RNF130: variants seen among roughly 807,000 people sequenced by gnomAD.
RNF130 encodes E3 ubiquitin-protein ligase RNF130.
RNF130 carries 21 observed loss-of-function variants against 44.6 expected under a neutral mutation model. The ratio of observed to expected loss-of-function variants is 0.47; its 90% CI spans 0.33 to 0.68. RNF130 has a LOEUF of 0.68. RNF130 is among the 30% of genes least tolerant of loss of function. The probability of loss-of-function intolerance (pLI) is 0.02; values close to 1 mark genes in which losing one functional copy is unlikely to be tolerated. For missense variants in RNF130, 479 were observed against 560.6 expected (o/e 0.85, Z 1.47); for synonymous variants, 214 against 210.4 (o/e 1.02, Z -0.15).
In RNF130 at chr5:180,040,537, A is replaced by T. The variant is rs1393498259; in HGVS notation, c.358T>A (p.Ser120Thr). ...ACTGCATTGTGGAAAGCGGCCCGTG[A>T]TATTTTCTCTTTAAACGTGCAGTTT... ...RGNCTFKEKI[S>T]RAAFHNAVAV... The change falls in exon 2 of 9, where the codon TCA becomes ACA. Residue 120 changes from serine (S) to threonine (T), a missense_variant. Physicochemically the swap from Ser to Thr is moderately conservative, Grantham distance 58. Transcript: ENST00000521389. 1 of 1,614,088 alleles carries T rather than the reference A, an allele frequency of 6.2e-7. No individual in the cohort carries two copies.
chr5:179,972,024 C>T (rs1267121686), intron 5 of RNF130, among the ~76,000 whole-genome samples: 1 of 152,176 alleles, frequency 6.6e-6, no homozygotes, highest in Non-Finnish European at 1.5e-5. Context: ...TTTATTTAAA[C>T]CTTAAAGCTT....
At chr5:179,927,586 CTT>C (rs5873673) in intron 7 of RNF130, among the ~76,000 whole-genome samples, 74 of 112,146 alleles carry the variant, frequency 6.6e-4, no homozygotes, top group East Asian at 3.5e-3. Context: ...TTAGCTTTGT[CTT>C]TTTTTTTTTT....
At chr5:179,985,750 T>C (rs1207854163) in intron 3 of RNF130, among the ~76,000 whole-genome samples, 1 of 152,224 alleles carries the variant, frequency 6.6e-6, no homozygotes, top group Non-Finnish European at 1.5e-5. Flanking sequence ...ATCATAGACC[T>C]GACTGCATTT....
intron 5 of RNF130, among the ~76,000 whole-genome samples, chr5:179,972,439 G>A (rs1423144874): frequency 6.6e-6 from 1 of 152,210 alleles, no homozygotes; most frequent in Non-Finnish European, 1.5e-5. Context: ...GATGGGACTT[G>A]GCTGACTGAC....
intron 7 of RNF130, among the ~76,000 whole-genome samples, chr5:179,949,932 C>T (rs897051049): frequency 1.3e-5 from 2 of 152,190 alleles, no homozygotes; most frequent in African/African-American, 4.8e-5. Context: ...CTTGCTAAAA[C>T]TTCTGTCTCT....
At chr5:180,066,644 T>C (rs1765113686) in intron 1 of RNF130, among the ~76,000 whole-genome samples, 1 of 152,058 alleles carries the variant, frequency 6.6e-6, no homozygotes, top group African/African-American at 2.4e-5. Context: ...GAGACGAGCC[T>C]GATGAACATG....
intron 3 of RNF130, among the ~76,000 whole-genome samples, chr5:179,997,764 GC>G (rs1470034737): frequency 6.6e-6 from 1 of 151,950 alleles, no homozygotes; most frequent in East Asian, 1.9e-4. Context: ...ACCATGCCTG[GC>G]CCTTTAGTCT....
At chr5:179,979,854 T>C (rs1398053499) in intron 4 of RNF130, among the ~76,000 whole-genome samples, 1 of 152,112 alleles carries the variant, frequency 6.6e-6, no homozygotes, top group Non-Finnish European at 1.5e-5. Flanking sequence ...TCCCAGGAAG[T>C]ATAGGAAGAA....
chr5:180,068,843 C>T (rs538651861), intron 1 of RNF130, among the ~76,000 whole-genome samples: 2 of 152,286 alleles, frequency 1.3e-5, no homozygotes, highest in East Asian at 3.9e-4. Context: ...TCCACCAGGA[C>T]CTGTCTGATA....
Position 180,071,683 on chromosome 5 carries a change from G to A in RNF130, c.20C>T (p.Ala7Val), listed in dbSNP as rs1176009261. The A allele has an allele frequency of 1.4e-6, 2 of 1,397,366 alleles. No individual in the cohort carries two copies. The highest frequency in any genetic ancestry group is 3.1e-5 in the East Asian group (1 of 32,588). 86.6% of individuals were successfully genotyped at this position (1,397,366 alleles called of 1,614,324 possible). A position where few individuals can be genotyped will look rare whatever the true frequency, so the allele number is the denominator to read the frequency against. The change falls in exon 1 of 9, where the codon GCG (alanine) becomes GTG (valine). Residue 7 changes from alanine (A) to valine (V), a missense_variant. This residue lies in a region of RNF130 where 138 missense variants were observed against 126.9 expected (regional missense o/e 1.09). Transcript: ENST00000521389. MSCAGR[A>V]GPARLAALAL... ...GAGCGCGGCGAGCCGGGCAGGGCCC[G>A]CCCGCCCCGCGCAGCTCATCGTCCC...
chr5:179,947,632 A>G (rs1198380476), intron 7 of RNF130, among the ~76,000 whole-genome samples: 1 of 152,220 alleles, frequency 6.6e-6, no homozygotes, highest in Non-Finnish European at 1.5e-5. Context: ...CGGAGTTAAT[A>G]AGAGGGTTGT....
At chr5:179,963,909 G>A in intron 7 of RNF130, 1 of 251,918 alleles carries the variant, frequency 4.0e-6, no homozygotes, top group South Asian at 5.9e-5. Context: ...GTAAATGACA[G>A]TAAAGTAGAC....
intron 2 of RNF130, among the ~76,000 whole-genome samples, chr5:180,017,401 T>C (rs960708845): frequency 2.6e-5 from 4 of 152,212 alleles, no homozygotes; most frequent in African/African-American, 7.2e-5. Context: ...TTCCTCTTAA[T>C]TAATAAGCAA....
intron 1 of RNF130, among the ~76,000 whole-genome samples, chr5:180,046,040 G>A (rs1234018541): frequency 3.9e-5 from 6 of 152,196 alleles, no homozygotes; most frequent in Admixed American, 3.3e-4. Context: ...TGGCGTGGAC[G>A]GAGGGGGGTG....
chr5:180,038,284 G>T (rs1764297703), intron 2 of RNF130, among the ~76,000 whole-genome samples: 1 of 151,448 alleles, frequency 6.6e-6, no homozygotes, highest in African/African-American at 2.4e-5. Flanking sequence ...CGAACTCCTG[G>T]GCTCAAGCAA....
chr5:180,000,815 G>C (rs762771686), intron 3 of RNF130, among the ~76,000 whole-genome samples: 9 of 152,072 alleles, frequency 5.9e-5, no homozygotes, highest in Admixed American at 2.6e-4. Flanking sequence ...ACGTTTTCTT[G>C]TATCTCTCTG....
intron 2 of RNF130, among the ~76,000 whole-genome samples, chr5:180,024,528 A>C (rs529160544): frequency 2.6e-5 from 4 of 152,298 alleles, no homozygotes; most frequent in East Asian, 1.9e-4. Context: ...ACAACAAACA[A>C]CACCTTTGAA....
chr5:180,008,312 C>A (rs1467182889), intron 3 of RNF130, among the ~76,000 whole-genome samples: 1 of 151,978 alleles, frequency 6.6e-6, no homozygotes, highest in Non-Finnish European at 1.5e-5. Flanking sequence ...GGCAAAATCA[C>A]AATCCTCCTC....
intron 7 of RNF130, among the ~76,000 whole-genome samples, chr5:179,937,439 C>G (rs978461830): frequency 2.0e-5 from 3 of 152,012 alleles, no homozygotes; most frequent in African/African-American, 7.3e-5. Flanking sequence ...ACTTAATGCA[C>G]GTAAAAAGAT....
Sources: allele counts gnomAD v4.1 joint callset (sites outside exome capture counted in the v4.1 genomes callset), GRCh38; gene constraint gnomAD v4.1.1; regional missense constraint gnomAD v4.1.1; transcripts MANE v1.5; gene names NCBI Gene and HGNC (gene_info 2026-07-23, HGNC 2026-07-21).